The following GPHN variants were observed in gnomAD, a reference collection of about 807,000 sequenced individuals.
The protein encoded by GPHN is gephyrin.
GPHN carries 17 observed loss-of-function variants against 95.5 expected under a neutral mutation model. The observed-to-expected ratio is 0.18, with a 90% CI of 0.12 to 0.27. The LOEUF is 0.27. GPHN is among the 10% of genes least tolerant of loss of function. The probability of loss-of-function intolerance (pLI) is 1.00; values close to 1 mark genes in which losing one functional copy is unlikely to be tolerated. For missense variants in GPHN, 660 were observed against 978.1 expected (o/e 0.67, Z 4.34); for synonymous variants, 320 against 322.5 (o/e 0.99, Z 0.08).
At chr14:67,368,965 A>T in the GPHN span, among the ~76,000 whole-genome samples, 1 of 152,360 alleles carries the variant, frequency 6.6e-6, no homozygotes, top group Non-Finnish European at 1.5e-5. Flanking sequence ...AAAAAAACAA[A>T]AACCAGAAAG....
Position 67,022,608 on chromosome 14 carries a change from T to TA in GPHN, c.964-1025_964-1024insA, listed in dbSNP as rs1319488184. ...GTGTGTGTGTGTGTGTGTGTGTGTATTTTTCTTGTATGTATGTTTGTGACT... is the reference window on the plus strand; with the variant it reads ...GTGTGTGTGTGTGTGTGTGTGTGTATATTTTCTTGTATGTATGTTTGTGACT... On this transcript the variant is annotated intron_variant, in intron 9 of 22. Transcript: ENST00000478722. Among the ~76,000 whole-genome samples the TA allele has an allele frequency of 1.8e-4, 26 of 141,010 alleles. 1 individual carries two copies. Among genetic ancestry groups the TA allele is most frequent in the African/African-American group, 6.1e-4 (23 of 37,932 alleles). The allele number at this position is 141,010 out of a possible 152,430, so 92.5% of individuals were successfully genotyped here. A position where few individuals can be genotyped will look rare whatever the true frequency, so the allele number is the denominator to read the frequency against.
chr14:66,781,988 GA>G (rs2059622810), intron 3 of GPHN, among the ~76,000 whole-genome samples: 1 of 151,988 alleles, frequency 6.6e-6, no homozygotes, highest in African/African-American at 2.4e-5. Flanking sequence ...CTACCATCTT[GA>G]ATGCATTTAT....
At chr14:67,629,614 T>C in the GPHN span, among the ~76,000 whole-genome samples, 2 of 152,012 alleles carry the variant, frequency 1.3e-5, no homozygotes, top group African/African-American at 4.8e-5. Context: ...ATGGTAGTGA[T>C]GGTAGTGTCC....
chr14:67,382,823 T>A, the GPHN span: 1 of 538,284 alleles, frequency 1.9e-6, no homozygotes. Flanking sequence ...TGTCTAAAAT[T>A]TGATCTCAGA....
intron 12 of GPHN, among the ~76,000 whole-genome samples, chr14:67,096,250 A>G (rs2077387832): frequency 6.6e-6 from 1 of 152,194 alleles, no homozygotes; most frequent in Admixed American, 6.5e-5. Context: ...TCTCTCCACA[A>G]TTGGTATACT....
chr14:67,663,132 T>C, the GPHN span: 4 of 1,528,750 alleles, frequency 2.6e-6, no homozygotes, highest in African/African-American at 2.8e-5. Context: ...CTTTCAGCCT[T>C]TCCCATTCTG....
intron 2 of GPHN, among the ~76,000 whole-genome samples, chr14:66,757,451 A>G (rs1055981297): frequency 3.3e-5 from 5 of 152,152 alleles, no homozygotes; most frequent in Admixed American, 1.3e-4. Context: ...GTGCTGTGGC[A>G]CTATCTCAGC....
At chr14:67,542,488 C>T in the GPHN span, among the ~76,000 whole-genome samples, 1 of 152,150 alleles carries the variant, frequency 6.6e-6, no homozygotes, top group Non-Finnish European at 1.5e-5. Context: ...AGTCCCTTCA[C>T]CTCTAAGGCA....
the GPHN span, chr14:67,616,384 A>G: frequency 1.3e-5 from 2 of 152,494 alleles, no homozygotes; most frequent in African/African-American, 2.4e-5. Context: ...AGCACAAATT[A>G]GTTATATATG....
chr14:67,296,061 A>G, the GPHN span, among the ~76,000 whole-genome samples: 1 of 152,150 alleles, frequency 6.6e-6, no homozygotes, highest in African/African-American at 2.4e-5. Flanking sequence ...AAGAGTGCCA[A>G]CAGCACCGAG....
intron 5 of GPHN, among the ~76,000 whole-genome samples, chr14:66,895,442 G>T (rs1195132283): frequency 6.6e-6 from 1 of 152,084 alleles, no homozygotes; most frequent in East Asian, 1.9e-4. Flanking sequence ...AACCAACATG[G>T]CACATGTATA....
intron 21 of GPHN, among the ~76,000 whole-genome samples, chr14:67,177,867 A>T (rs746473927): frequency 1.0e-4 from 15 of 150,710 alleles, no homozygotes; most frequent in Non-Finnish European, 1.9e-4. Context: ...CTTGTTGGTT[A>T]TCAGAGACTA....
chr14:67,252,805 T>C, the GPHN span, among the ~76,000 whole-genome samples: 1 of 152,272 alleles, frequency 6.6e-6, no homozygotes, highest in Non-Finnish European at 1.5e-5. Context: ...TTAGCCTTGC[T>C]GTGAGCTAAA....
chr14:67,673,871 C>G, the GPHN span, among the ~76,000 whole-genome samples: 3 of 152,282 alleles, frequency 2.0e-5, no homozygotes, highest in East Asian at 5.8e-4. Flanking sequence ...AACAAGACCA[C>G]ATCTAAATGC....
the GPHN span, among the ~76,000 whole-genome samples, chr14:67,273,584 T>C: frequency 0.15 from 23,528 of 152,112 alleles, 3,441 homozygotes; most frequent in East Asian, 0.42. Flanking sequence ...AGTCAACATA[T>C]GTGTGCATGT....
intron 2 of GPHN, among the ~76,000 whole-genome samples, chr14:66,767,438 A>T (rs2059002228): frequency 8.5e-6 from 1 of 118,018 alleles, no homozygotes; most frequent in Non-Finnish European, 1.6e-5. Context: ...CGCTTTTTGA[A>T]CAGAAAAAAA....
intron 2 of GPHN, among the ~76,000 whole-genome samples, chr14:66,744,492 A>C (rs1034577920): frequency 2.0e-5 from 3 of 152,040 alleles, no homozygotes; most frequent in Admixed American, 6.6e-5. Context: ...TCAGTCACAC[A>C]AGGCTACCTA....
the GPHN span, among the ~76,000 whole-genome samples, chr14:67,673,994 C>G: frequency 6.6e-6 from 1 of 152,216 alleles, no homozygotes; most frequent in Non-Finnish European, 1.5e-5. Flanking sequence ...TACGGATCCT[C>G]TGTCAGTCTG....
the GPHN span, chr14:67,571,967 A>T: frequency 6.5e-7 from 1 of 1,539,520 alleles, no homozygotes; most frequent in Non-Finnish European, 8.8e-7. Context: ...TCCCATGGGC[A>T]CTTGAACATG....
Sources: gnomAD v4.1 joint callset for allele counts (sites outside exome capture counted in the v4.1 genomes callset) on GRCh38, gnomAD v4.1.1 for gene constraint, MANE v1.5 for transcripts, NCBI Gene and HGNC (gene_info 2026-07-23, HGNC 2026-07-21) for gene names.